Variants in TBCE observed in about 807,000 individuals in gnomAD.
TBCE encodes tubulin folding cofactor E.
A neutral mutation model predicts 77.0 loss-of-function variants in TBCE; 53 were observed. The observed-to-expected ratio is 0.69, with a 90% confidence interval of 0.55 to 0.87. The LOEUF (loss-of-function observed/expected upper bound fraction) is 0.87. Among genes scored for constraint, TBCE ranks in the 40% least tolerant of loss-of-function variants. The pLI is 0.00. For synonymous variants in TBCE, 235 were observed against 241.3 expected, an observed-to-expected ratio of 0.97 and a Z score of 0.24; for missense variants, 624 against 622.4, an observed-to-expected ratio of 1.00 and a Z score of -0.03.
chr1:235,447,992 C>T (rs542616180), intron 15 of TBCE, among the ~76,000 whole-genome samples: 4 of 152,008 alleles, frequency 2.6e-5, no homozygotes, highest in South Asian at 2.1e-4. Flanking sequence ...GGGCGGATCA[C>T]GAGGTCAGGA....
At chr1:235,437,842 TA>T (rs1379741242) in intron 12 of TBCE, among the ~76,000 whole-genome samples, 1 of 149,618 alleles carries the variant, frequency 6.7e-6, no homozygotes, top group Non-Finnish European at 1.5e-5. Flanking sequence ...AAAAAAAAAG[TA>T]AAAAAATTAT....
chr1:235,403,799 T>C (rs1679259199), intron 3 of TBCE, among the ~76,000 whole-genome samples: 1 of 152,204 alleles, frequency 6.6e-6, no homozygotes, highest in Non-Finnish European at 1.5e-5. Flanking sequence ...GGTTTCATCA[T>C]TGTGTGAACA....
In TBCE at chr1:235,422,777, C is replaced by T. The variant is rs536036462; in HGVS notation, c.460+3216C>T. 1.5e-3 allele frequency among the ~76,000 whole-genome samples: 231 copies of T among 152,218 alleles called. 2 individuals carry two copies. The highest frequency in any genetic ancestry group is 5.2e-3 in the African/African-American group (215 of 41,552). ...CTGGGAGGCAGAGGTTGCAGTGAGCCGAGATCGCGCCATTGCACTCCAGCC... is the reference window on the plus strand; with the variant it reads ...CTGGGAGGCAGAGGTTGCAGTGAGCTGAGATCGCGCCATTGCACTCCAGCC... On this transcript the variant is annotated intron_variant, in intron 5 of 16. Coordinates refer to ENST00000642610, the MANE Select transcript of TBCE (RefSeq NM_003193.5).
At chr1:235,391,043 C>T (rs1460104034) in intron 2 of TBCE, among the ~76,000 whole-genome samples, 1 of 152,136 alleles carries the variant, frequency 6.6e-6, no homozygotes, top group Non-Finnish European at 1.5e-5. Flanking sequence ...TTCATTGCTA[C>T]TGGGTTGGTC....
chr1:235,429,062 C>T (rs1377671915), intron 6 of TBCE: 2 of 148,522 alleles, frequency 1.3e-5, no homozygotes, highest in East Asian at 3.9e-4. Context: ...GATCTCGGCT[C>T]ACTGCAGCTT....
At chr1:235,447,549 G>A (rs1001076561) in intron 15 of TBCE, among the ~76,000 whole-genome samples, 1 of 152,092 alleles carries the variant, frequency 6.6e-6, no homozygotes, top group Non-Finnish European at 1.5e-5. Context: ...TGGCGGCGCT[G>A]GAAGGGACCT....
intron 7 of TBCE, chr1:235,433,024 C>T (rs760045267): frequency 2.3e-5 from 36 of 1,541,408 alleles, no homozygotes; most frequent in Non-Finnish European, 3.0e-5. Context: ...TCTGTGCGTG[C>T]TGCAGAAATG....
chr1:235,424,265 C>T lies in TBCE; in HGVS notation c.461-2875C>T, dbSNP rs537508649. Among the ~76,000 whole-genome samples the T allele has an allele frequency of 6.6e-5, 10 of 151,656 alleles. No individual in the cohort carries two copies. In the South Asian group the frequency reaches 2.1e-3, roughly 32 times the overall value. On this transcript the variant is annotated intron_variant, in intron 5 of 16. Coordinates refer to ENST00000642610, the MANE Select transcript of TBCE (RefSeq NM_003193.5). ...GCCTGGGTCTGGTTAGCAGTGGCAG[C>T]AGCAGTGCGGGTGGTGGCTGTCACT...
intron 7 of TBCE, among the ~76,000 whole-genome samples, chr1:235,432,391 C>T (rs56327423): frequency 0.021 from 3,272 of 152,272 alleles, 124 homozygotes; most frequent in African/African-American, 0.074. Flanking sequence ...CCCCTTGTGC[C>T]CTTAATATGC....
chr1:235,415,214 A>T (rs911448178), intron 4 of TBCE: 2 of 154,704 alleles, frequency 1.3e-5, no homozygotes, highest in Non-Finnish European at 2.9e-5. Context: ...GCTGGTCTTG[A>T]ACTCTTGGGC....
In TBCE at chr1:235,448,355, T is replaced by G. The variant is rs1198734905; in HGVS notation, c.1406T>G (p.Met469Arg). Residue 469 changes from methionine to arginine, a missense_variant, in exon 16 of 17, where the codon ATG becomes AGG. Physicochemically the swap from Met to Arg is moderately conservative, Grantham distance 91. Coordinates refer to ENST00000642610, the MANE Select transcript of TBCE (RefSeq NM_003193.5). ...KVLEKQLPGS[M>R]TIQKVKGLLS... ...TTTTCTTGTCTTTTGATAGGCTCCA[T>G]GACAATTCAAAAGGTGAAGGGATTG... 1.2e-6 allele frequency: 2 copies of G among 1,614,016 alleles called. No individual in the cohort carries two copies. Among genetic ancestry groups the G allele is most frequent in the East Asian group, 2.2e-5 (1 of 44,886 alleles).
chr1:235,368,198 G>C (rs963495299), intron 1 of TBCE, among the ~76,000 whole-genome samples: 2 of 152,178 alleles, frequency 1.3e-5, no homozygotes, highest in African/African-American at 4.8e-5. Context: ...GAGCCACCGC[G>C]CCCGGCCTAA....
At chr1:235,439,763 T>C (rs768605709) in intron 13 of TBCE, among the ~76,000 whole-genome samples, 86 of 151,672 alleles carry the variant, frequency 5.7e-4, no homozygotes, top group Non-Finnish European at 1.1e-3. Context: ...GCTGAGATTA[T>C]AGGTGTGAGC....
At chr1:235,443,834 T>G (rs1682064775) in intron 15 of TBCE, among the ~76,000 whole-genome samples, 1 of 152,236 alleles carries the variant, frequency 6.6e-6, no homozygotes, top group Admixed American at 6.5e-5. Context: ...TGAATTACTT[T>G]TATTTGGAAA....
chr1:235,428,384 G>T (rs552945448), intron 6 of TBCE, among the ~76,000 whole-genome samples: 63 of 151,976 alleles, frequency 4.1e-4, no homozygotes, highest in Non-Finnish European at 7.2e-4. Flanking sequence ...TTTCTTCTTG[G>T]AAGTCCCCTC....
At chr1:235,399,420 C>T (rs930965800) in intron 2 of TBCE, among the ~76,000 whole-genome samples, 2 of 152,170 alleles carry the variant, frequency 1.3e-5, no homozygotes, top group Non-Finnish European at 2.9e-5. Flanking sequence ...GATCTCTCTC[C>T]TGCCCTCCAT....
chr1:235,390,632 A>T (rs1678321975), intron 2 of TBCE, among the ~76,000 whole-genome samples: 1 of 151,960 alleles, frequency 6.6e-6, no homozygotes, highest in Admixed American at 6.6e-5. Flanking sequence ...GTGGTGGTGC[A>T]TGCCAATAAT....
At chr1:235,415,027 C>CCTG in intron 4 of TBCE, 1 of 260,760 alleles carries the variant, frequency 3.8e-6, no homozygotes, top group Non-Finnish European at 7.6e-6. Flanking sequence ...GGGAGTAGTT[C>CCTG]TCACCTCGGG....
rs917646945 is a variant in TBCE, at chr1:235,427,338, G to A, written c.560+99G>A. 4.5e-6 allele frequency: 4 copies of A among 891,904 alleles called. No homozygotes were observed. In the African/African-American group the frequency reaches 6.6e-5, roughly 15 times the overall value. 55.2% of individuals were successfully genotyped at this position (891,904 alleles called of 1,614,324 possible). On this transcript the variant is annotated intron_variant, in intron 6 of 16. Transcript: ENST00000642610. ...TGGAAAGAGGTAGGGAGCCGGAAGG[G>A]TTAAGGCTGCCACCTGATGATACAG...
Sources: gnomAD v4.1 joint callset for allele counts (sites outside exome capture counted in the v4.1 genomes callset) on GRCh38, gnomAD v4.1.1 for gene constraint, MANE v1.5 for transcripts, NCBI Gene and HGNC (gene_info 2026-07-23, HGNC 2026-07-21) for gene names.